Variants in KCNU1 observed in about 807,000 individuals in gnomAD.
The protein encoded by KCNU1 is potassium channel subfamily U member 1.
In KCNU1, 93 loss-of-function variants were observed where a neutral mutation model predicts 126.8. The observed-to-expected ratio is 0.73, with a 90% CI of 0.62 to 0.87. KCNU1 has a LOEUF of 0.87. Ranked by LOEUF, KCNU1 falls within the 40% of genes least tolerant of loss-of-function variation. The pLI, the probability that KCNU1 is intolerant of heterozygous loss-of-function variation, is 0.00. For synonymous variants in KCNU1, 523 were observed against 494.2 expected, an observed-to-expected ratio of 1.06 and a Z score of -0.77; for missense variants, 1,330 against 1,367.1, an observed-to-expected ratio of 0.97 and a Z score of 0.43.
At chr8:36,834,522 G>T (rs143797915) in intron 11 of KCNU1, among the ~76,000 whole-genome samples, 2 of 152,120 alleles carry the variant, frequency 1.3e-5, no homozygotes, top group Non-Finnish European at 2.9e-5. Context: ...AAAATATAAC[G>T]CCTTATTTTA....
At chr8:36,899,249 C>T (rs1807320145) in intron 19 of KCNU1, among the ~76,000 whole-genome samples, 2 of 151,814 alleles carry the variant, frequency 1.3e-5, no homozygotes, top group Non-Finnish European at 2.9e-5. Context: ...TGGGCTGGGG[C>T]CACTCTGATC....
intron 13 of KCNU1, 99 bp downstream of exon 13, chr8:36,836,464 C>T: frequency 2.4e-6 from 2 of 817,942 alleles, no homozygotes; most frequent in Non-Finnish European, 3.9e-6. Flanking sequence ...AAAGTTTTTG[C>T]TAATCATAGG....
At chr8:36,875,272 C>A (rs2117377710) in intron 19 of KCNU1, among the ~76,000 whole-genome samples, 1 of 149,936 alleles carries the variant, frequency 6.7e-6, no homozygotes, top group Non-Finnish European at 1.5e-5. Flanking sequence ...AAGAATCAAC[C>A]AAAATAAATC....
chr8:36,807,340 AT>A, intron 5 of KCNU1, 34 bp from the exon 6 acceptor site: 1 of 1,524,374 alleles, frequency 6.6e-7, no homozygotes. Flanking sequence ...TGACCCTCTG[AT>A]TTTGGCAGCT....
chr8:36,836,384 A>G lies in KCNU1; in HGVS notation c.1365+19A>G, dbSNP rs751347185. 5 of 1,464,276 alleles carry G rather than the reference A, an allele frequency of 3.4e-6. No homozygotes were observed. The highest frequency in any genetic ancestry group is 1.1e-5 in the South Asian group (1 of 87,420). 90.7% of individuals were successfully genotyped at this position (1,464,276 alleles called of 1,614,324 possible). On this transcript the variant is annotated intron_variant, in intron 13 of 26. Transcript: ENST00000399881. Reference sequence around the variant, plus strand: ...TAACAAGGTATAGTAACATTCTAGCATATTCCATCTCCTCCTTTTATCTAT... The same window carrying G: ...TAACAAGGTATAGTAACATTCTAGCGTATTCCATCTCCTCCTTTTATCTAT...
intron 19 of KCNU1, among the ~76,000 whole-genome samples, chr8:36,873,934 A>G (rs1806193388): frequency 1.3e-5 from 2 of 152,186 alleles, no homozygotes; most frequent in African/African-American, 4.8e-5. Flanking sequence ...GAGAAAAAAA[A>G]TCTCTTGCAA....
intron 23 of KCNU1, among the ~76,000 whole-genome samples, chr8:36,920,308 G>T (rs532924789): frequency 6.6e-6 from 1 of 152,096 alleles, no homozygotes; most frequent in Admixed American, 6.5e-5. Context: ...TTCCATTCAA[G>T]AATTCAATTA....
chr8:36,914,594 G>A (rs1808023927), intron 22 of KCNU1, among the ~76,000 whole-genome samples: 1 of 152,194 alleles, frequency 6.6e-6, no homozygotes, highest in Non-Finnish European at 1.5e-5. Flanking sequence ...ATTGGATGAG[G>A]CGGGGGGTTT....
chr8:36,873,013 A>C (rs1190916980), intron 19 of KCNU1, among the ~76,000 whole-genome samples: 1 of 152,172 alleles, frequency 6.6e-6, no homozygotes, highest in Admixed American at 6.6e-5. Flanking sequence ...TGGGAGGTGG[A>C]GGTTGTAGTG....
At chr8:36,856,832 C>G (rs538809117) in intron 18 of KCNU1, among the ~76,000 whole-genome samples, 95 of 152,272 alleles carry the variant, frequency 6.2e-4, no homozygotes, top group Non-Finnish European at 1.1e-3. Flanking sequence ...TGTACTTTTT[C>G]TGGTTCACTA....
chr8:36,887,456 T>G (rs1806756352), intron 19 of KCNU1, among the ~76,000 whole-genome samples: 1 of 150,340 alleles, frequency 6.7e-6, no homozygotes. Flanking sequence ...TTTTTTGTTT[T>G]TTTTTTTTTT....
At chr8:36,893,230 TC>T in intron 19 of KCNU1, among the ~76,000 whole-genome samples, 1 of 151,664 alleles carries the variant, frequency 6.6e-6, no homozygotes, top group South Asian at 2.1e-4. Context: ...TGCTTCAGCC[TC>T]CCAAAGTGCT....
At chr8:36,784,676 A>G in intron 1 of KCNU1, 71 bp downstream of exon 1, 1 of 1,175,406 alleles carries the variant, frequency 8.5e-7, no homozygotes, top group Non-Finnish European at 1.2e-6. Flanking sequence ...GTGTTTAGTA[A>G]AAGATCTAAG....
chr8:36,828,091 T>C (rs1176745799), intron 10 of KCNU1, among the ~76,000 whole-genome samples: 2 of 152,176 alleles, frequency 1.3e-5, no homozygotes, highest in Non-Finnish European at 2.9e-5. Flanking sequence ...TTCTATTATA[T>C]TAAATCACTT....
chr8:36,931,092 C>T lies in KCNU1; in HGVS notation c.2878C>T (p.Arg960Trp), dbSNP rs550052033. 3.8e-5 allele frequency: 62 copies of T among 1,611,504 alleles called. No individual in the cohort carries two copies. Among genetic ancestry groups the T allele is most frequent in the East Asian group, 8.9e-5 (4 of 44,752 alleles). The change falls in exon 25 of 27, where the codon CGG becomes TGG. Residue 960 changes from arginine (R) to tryptophan (W), a missense_variant. Arg to Trp is a moderately radical substitution (Grantham distance 101). This residue lies in a region of KCNU1 where 1,054 missense variants were observed against 1,053.9 expected (regional missense o/e 1.00). Coordinates refer to ENST00000399881, the MANE Select transcript of KCNU1 (RefSeq NM_001031836.3). The stretch of plus-strand genomic sequence containing the variant: ...CACGTCGCTCTTGTCTGGAAGAAAC[C>T]GGTGTAAGCTGGGGCTTCTGTCCTT... ...SCTSLLSGRN[R>W]CKLGLLSLHE...
intron 2 of KCNU1, among the ~76,000 whole-genome samples, chr8:36,799,317 C>T (rs1006693317): frequency 6.6e-6 from 1 of 151,710 alleles, no homozygotes; most frequent in Non-Finnish European, 1.5e-5. Context: ...TGAAATTTCG[C>T]CATGATATGG....
chr8:36,841,042 T>TG, intron 16 of KCNU1, 39 bp downstream of exon 16: 3 of 1,279,514 alleles, frequency 2.3e-6, no homozygotes, highest in South Asian at 1.3e-5. Context: ...TTGTTTTTTT[T>TG]TTTTTTTTTT....
chr8:36,930,703 C>T (rs1019927954), intron 24 of KCNU1, among the ~76,000 whole-genome samples: 4 of 152,126 alleles, frequency 2.6e-5, no homozygotes, highest in Non-Finnish European at 5.9e-5. Flanking sequence ...TTTTCTTCTT[C>T]ATCCGAAGTG....
intron 1 of KCNU1, among the ~76,000 whole-genome samples, chr8:36,786,827 A>G (rs1422805479): frequency 6.6e-6 from 1 of 152,228 alleles, no homozygotes; most frequent in Non-Finnish European, 1.5e-5. Context: ...AGAATATAAC[A>G]CCAGGCAAAA....
Sources: gnomAD v4.1 joint callset for allele counts (sites outside exome capture counted in the v4.1 genomes callset) on GRCh38, gnomAD v4.1.1 for gene constraint, gnomAD v4.1.1 regional missense constraint, MANE v1.5 for transcripts, NCBI Gene and HGNC (gene_info 2026-07-23, HGNC 2026-07-21) for gene names.